The following ABCA13 variants were observed in gnomAD, a reference collection of about 807,000 sequenced individuals.
The protein encoded by ABCA13 is ATP binding cassette subfamily A member 13, also known as ATP-binding cassette sub-family A member 13.
Under a neutral mutation model 478.7 loss-of-function variants are expected in ABCA13, and 476 were observed. The observed-to-expected ratio is 0.99, with a 90% CI of 0.92 to 1.07. The LOEUF is 1.07. ABCA13 is among the 50% of genes least tolerant of loss of function. ABCA13 has a pLI of 0.00. For missense variants in ABCA13, 6,060 were observed against 5,910.6 expected (o/e 1.03, Z -0.83); for synonymous variants, 2,252 against 2,158.9 (o/e 1.04, Z -1.20).
intron 45 of ABCA13, among the ~76,000 whole-genome samples, chr7:48,479,573 A>G (rs779910187): frequency 3.3e-5 from 5 of 152,108 alleles, no homozygotes; most frequent in Non-Finnish European, 5.9e-5. Flanking sequence ...CATTGTCACT[A>G]ATTGTAGTCA....
chr7:48,355,532 G>T (rs1324971925), intron 31 of ABCA13, among the ~76,000 whole-genome samples: 2 of 152,042 alleles, frequency 1.3e-5, no homozygotes. Context: ...TACTGTAAAA[G>T]TCTTGCTCAC....
Position 48,367,830 on chromosome 7 carries a change from A to G in ABCA13, c.10725A>G (p.Ile3575Met), listed in dbSNP as rs372811407. ...LNNVGFFFPL[I>M]MMLTWMVSVA... ...ACGTTGGTTTCTTTTTTCCACTGATAATGATGCTGACGTGGATGGTGTCTG... is the reference window on the plus strand; with the variant it reads ...ACGTTGGTTTCTTTTTTCCACTGATGATGATGCTGACGTGGATGGTGTCTG... The change falls in exon 32 of 62, where the codon ATA (isoleucine) becomes ATG (methionine). Residue 3575 changes from isoleucine to methionine, a missense_variant. This residue lies in a region of ABCA13 where 4,423 missense variants were observed against 4,309.1 expected (regional missense o/e 1.03). Transcript: ENST00000435803. 21 of 1,577,174 alleles carry G rather than the reference A, an allele frequency of 1.3e-5. No homozygotes were observed. The African/African-American group carries it at 2.3e-4, about 17-fold the overall frequency.
In ABCA13 at chr7:48,511,128, C is replaced by T. The variant is rs779591317; in HGVS notation, c.13569C>T (p.Val4523=). The T allele has an allele frequency of 4.3e-6, 7 of 1,613,588 alleles. No homozygotes were observed. The highest frequency in any genetic ancestry group is 3.3e-5 in the Admixed American group (2 of 59,988). Reference sequence around the variant, plus strand: ...TCTGCCTGTGTGTTGCCGTTATTGTCGCCTTCCAGTTAACAGCTTTTACTT... The same window carrying T: ...TCTGCCTGTGTGTTGCCGTTATTGTTGCCTTCCAGTTAACAGCTTTTACTT... ...VSVCLCVAVI[V]AFQLTAFTFR... Residue 4523 remains valine, a synonymous_variant, in exon 51 of 62, where the codon GTC becomes GTT. Coordinates refer to ENST00000435803, the MANE Select transcript of ABCA13 (RefSeq NM_152701.5).
chr7:48,290,682 C>A (rs1183365453), intron 20 of ABCA13, among the ~76,000 whole-genome samples: 1 of 152,060 alleles, frequency 6.6e-6, no homozygotes, highest in South Asian at 2.1e-4. Flanking sequence ...CATGCAGTTA[C>A]AAATTACAAA....
Position 48,646,571 on chromosome 7 carries a change from G to C in ABCA13, c.*1059G>C, listed in dbSNP as rs1250465628. 1 of 151,926 alleles carries C rather than the reference G, an allele frequency of 6.6e-6. No homozygotes were observed. The highest frequency in any genetic ancestry group is 1.5e-5 in the Non-Finnish European group (1 of 68,050). 9.4% of individuals were successfully genotyped at this position (151,926 alleles called of 1,614,324 possible). On this transcript the variant is annotated 3_prime_UTR_variant, in exon 62 of 62. Coordinates refer to ENST00000435803, the MANE Select transcript of ABCA13 (RefSeq NM_152701.5). ...GTCTCGCTCTGTCACCCAGGCTGGAGTGCAGTGGCGCGATGTCGGCTCACT... is the reference window on the plus strand; with the variant it reads ...GTCTCGCTCTGTCACCCAGGCTGGACTGCAGTGGCGCGATGTCGGCTCACT...
intron 42 of ABCA13, among the ~76,000 whole-genome samples, chr7:48,432,930 G>C (rs1181305195): frequency 1.3e-5 from 2 of 151,940 alleles, no homozygotes; most frequent in Non-Finnish European, 2.9e-5. Context: ...ATAACGTTTT[G>C]TATTGTTGAA....
In ABCA13 at chr7:48,528,302, G is replaced by T; in HGVS notation, c.14311G>T (p.Val4771Phe). The T allele has an allele frequency of 6.3e-7, 1 of 1,575,880 alleles. No homozygotes were observed. The highest frequency in any genetic ancestry group is 8.6e-7 in the Non-Finnish European group (1 of 1,159,458). The change falls in exon 55 of 62, where the codon GTT becomes TTT. Residue 4771 changes from valine (V) to phenylalanine (F), a missense_variant. Transcript: ENST00000435803. ...GACTTTCAAAATGCTGAATGGTGAA[G>T]TTTCTCTAACTTCAGGACATGCTAT... The part of the protein sequence containing the change: ...STTFKMLNGE[V>F]SLTSGHAIIR...
chr7:48,198,828 G>C (rs142174123), intron 3 of ABCA13, among the ~76,000 whole-genome samples: 1 of 152,324 alleles, frequency 6.6e-6, no homozygotes, highest in African/African-American at 2.4e-5. Context: ...CACCTAAACG[G>C]ACTACAGGAC....
rs553416992 is a variant in ABCA13 at position 48,181,334 on chromosome 7, T to A, written c.69+9782T>A. 3.9e-5 allele frequency among the ~76,000 whole-genome samples: 6 copies of A among 152,186 alleles called. No homozygotes were observed. In the East Asian group the frequency reaches 1.2e-3, roughly 29 times the overall value. ...TGACAAGTATTTCTTTGGTTAGTTA[T>A]CCTCTTTTTTTCTTATTTTTATTGT... On this transcript the variant is annotated intron_variant, in intron 1 of 61. Transcript: ENST00000435803.
rs73323740 is a variant in ABCA13 at position 48,323,064 on chromosome 7, T to G, written c.9999+5768T>G. ...GCCAAGTGGTATTCTGTGGTGTGGA[T>G]TCACTGCAGTTTGTTCGTCCATTCA... is the stretch of plus-strand genomic sequence containing the variant. On this transcript the variant is annotated intron_variant, in intron 27 of 61. Transcript: ENST00000435803. Among the ~76,000 whole-genome samples, 1,124 of 152,304 alleles carry G rather than the reference T, an allele frequency of 7.4e-3. 13 individuals are homozygous for G. Among genetic ancestry groups the G allele is most frequent in the African/African-American group, 0.022 (902 of 41,558 alleles).
intron 41 of ABCA13, among the ~76,000 whole-genome samples, chr7:48,422,944 G>A (rs1820966363): frequency 6.6e-6 from 1 of 152,192 alleles, no homozygotes; most frequent in Non-Finnish European, 1.5e-5. Context: ...ACTAGAAGTT[G>A]GGAAAGTCCA....
chr7:48,381,737 A>C (rs1814421585), intron 35 of ABCA13, among the ~76,000 whole-genome samples: 3 of 152,136 alleles, frequency 2.0e-5, no homozygotes, highest in African/African-American at 7.2e-5. Flanking sequence ...AATGCTGATT[A>C]GTTTCCTGGC....
At chr7:48,465,999 A>G (rs1226661967) in intron 43 of ABCA13, among the ~76,000 whole-genome samples, 1 of 152,160 alleles carries the variant, frequency 6.6e-6, no homozygotes, top group Non-Finnish European at 1.5e-5. Context: ...TGCTGATTAT[A>G]TACCATTTTT....
intron 24 of ABCA13, 70 bp downstream of exon 24, chr7:48,310,211 G>A: frequency 6.6e-7 from 1 of 1,510,910 alleles, no homozygotes; most frequent in Non-Finnish European, 9.0e-7. Context: ...GATAAGTACA[G>A]TAGTCCTAGG....
chr7:48,198,866 A>G (rs1798292018), intron 3 of ABCA13, among the ~76,000 whole-genome samples: 1 of 152,196 alleles, frequency 6.6e-6, no homozygotes, highest in African/African-American at 2.4e-5. Flanking sequence ...TGAGTCTCTG[A>G]ATGCTGAGCT....
Position 48,276,136 on chromosome 7 carries a change from A to G in ABCA13, c.6470A>G (p.Asp2157Gly). 6.3e-7 allele frequency: 1 copy of G among 1,597,498 alleles called. No homozygotes were observed. Among genetic ancestry groups the G allele is most frequent in the Non-Finnish European group, 8.5e-7 (1 of 1,171,338 alleles). Residue 2157 changes from aspartate (D) to glycine (G), a missense_variant, in exon 17 of 62, where the codon GAT becomes GGT. Coordinates refer to ENST00000435803, the MANE Select transcript of ABCA13 (RefSeq NM_152701.5). ...GTGACCAATGAGAGTTCAACTGAAG[A>G]TATAGCTTTGTTAGCCAAAGCTATT... is the stretch of plus-strand genomic sequence containing the variant. ...IPVTNESSTE[D>G]IALLAKAIAT...
At chr7:48,354,123 T>C (rs918546367) in intron 31 of ABCA13, among the ~76,000 whole-genome samples, 1 of 151,964 alleles carries the variant, frequency 6.6e-6, no homozygotes, top group Non-Finnish European at 1.5e-5. Flanking sequence ...CTGTGTTAGA[T>C]ACTGGGAGAA....
At chr7:48,227,202 C>T in intron 5 of ABCA13, 60 bp from the exon 6 acceptor site, 2 of 1,584,940 alleles carry the variant, frequency 1.3e-6, no homozygotes, top group African/African-American at 1.3e-5. Flanking sequence ...CTGTCTGTCT[C>T]ATTTACTTTA....
chr7:48,470,513 T>C (rs566934615), intron 44 of ABCA13, among the ~76,000 whole-genome samples: 2 of 152,332 alleles, frequency 1.3e-5, no homozygotes, highest in African/African-American at 4.8e-5. Flanking sequence ...GTAACTCTCT[T>C]AGGTGTTATT....
Sources: gnomAD v4.1 joint callset for allele counts (sites outside exome capture counted in the v4.1 genomes callset) on GRCh38, gnomAD v4.1.1 for gene constraint, gnomAD v4.1.1 regional missense constraint, MANE v1.5 for transcripts, NCBI Gene and HGNC (gene_info 2026-07-23, HGNC 2026-07-21) for gene names.